Variants in NRXN1 observed in about 807,000 individuals in gnomAD.
The protein encoded by NRXN1 is neurexin 1.
In NRXN1, 39 loss-of-function variants were observed where a neutral mutation model predicts 150.9. The observed-to-expected ratio is 0.26, with a 90% CI of 0.20 to 0.34. The LOEUF (loss-of-function observed/expected upper bound fraction) is 0.34. NRXN1 is among the 10% of genes least tolerant of loss of function. The pLI is 1.00. For synonymous variants in NRXN1, 924 were observed against 757.0 expected, an observed-to-expected ratio of 1.22 and a Z score of -3.62; for missense variants, 1,815 against 1,949.9, an observed-to-expected ratio of 0.93 and a Z score of 1.30.
At chr2:50,543,705 CCTAT>C (rs2093435068) in intron 9 of NRXN1, among the ~76,000 whole-genome samples, 1 of 152,076 alleles carries the variant, frequency 6.6e-6, no homozygotes, top group African/African-American at 2.4e-5. Context: ...TTTTTCATTA[CCTAT>C]TAGTTTCCAT....
chr2:50,441,796 T>C (rs2085976730), intron 17 of NRXN1, among the ~76,000 whole-genome samples: 1 of 152,144 alleles, frequency 6.6e-6, no homozygotes, highest in African/African-American at 2.4e-5. Flanking sequence ...TTATTGAAAA[T>C]TTCTGAAAAC....
intron 15 of NRXN1, among the ~76,000 whole-genome samples, chr2:50,473,599 TTCTTTCTCATG>T: frequency 6.6e-6 from 1 of 152,130 alleles, no homozygotes; most frequent in East Asian, 1.9e-4. Context: ...CATTTGAACT[TTCTTTCTCATG>T]TTAACCATTC....
intron 2 of NRXN1, among the ~76,000 whole-genome samples, chr2:50,939,497 A>T (rs1046708690): frequency 2.0e-5 from 3 of 152,000 alleles, no homozygotes; most frequent in African/African-American, 7.2e-5. Flanking sequence ...TTTTTATTGG[A>T]TAGGATGCAA....
rs1667998727 is a variant in NRXN1 at position 49,920,464 on chromosome 2, C to A, written c.*1480G>T. 6.6e-6 allele frequency: 1 copy of A among 152,510 alleles called. No individual in the cohort carries two copies. The highest frequency in any genetic ancestry group is 1.5e-5 in the Non-Finnish European group (1 of 68,024). 9.4% of individuals were successfully genotyped at this position (152,510 alleles called of 1,614,324 possible). The stretch of plus-strand genomic sequence containing the variant: ...ACCTGCCCACATAATGGTTCTTATT[C>A]ATGCAGCAGTATATCAGTGATATTC... On this transcript the variant is annotated 3_prime_UTR_variant, in exon 23 of 23. Coordinates refer to ENST00000401669, the MANE Select transcript of NRXN1 (RefSeq NM_001330078.2).
At chr2:50,957,524 C>T (rs775259475) in intron 2 of NRXN1, among the ~76,000 whole-genome samples, 4 of 151,994 alleles carry the variant, frequency 2.6e-5, no homozygotes, top group Admixed American at 2.6e-4. Context: ...GCACAGAATG[C>T]CAATAAAGCC....
rs547590508 is a variant in NRXN1 at position 50,490,027 on chromosome 2, G to A, written c.3070+5878C>T. On this transcript the variant is annotated intron_variant, in intron 15 of 22. Transcript: ENST00000401669. ...AAAACCCGGGGATTCAATGGATGTG[G>A]CAGAAGAGAAACAGTTTCACATCTC... is the stretch of plus-strand genomic sequence containing the variant. Among the ~76,000 whole-genome samples the A allele has an allele frequency of 2.6e-5, 4 of 152,300 alleles. No individual in the cohort carries two copies. In the South Asian group the frequency reaches 6.2e-4, roughly 24 times the overall value.
intron 18 of NRXN1, among the ~76,000 whole-genome samples, chr2:50,093,159 G>A (rs904816718): frequency 6.6e-6 from 1 of 151,992 alleles, no homozygotes; most frequent in African/African-American, 2.4e-5. Flanking sequence ...TTTGAATAAC[G>A]TTTGAATTTT....
chr2:50,310,730 G>C (rs1331693473), intron 17 of NRXN1, among the ~76,000 whole-genome samples: 3 of 151,912 alleles, frequency 2.0e-5, no homozygotes, highest in African/African-American at 7.3e-5. Context: ...AATATGTCTA[G>C]GTATATGCTT....
At chr2:50,063,359 A>C (rs1694850846) in intron 19 of NRXN1, among the ~76,000 whole-genome samples, 1 of 152,182 alleles carries the variant, frequency 6.6e-6, no homozygotes, top group South Asian at 2.1e-4. Context: ...AGCCGAATAC[A>C]CATATATAAT....
chr2:50,121,058 T>G (rs1296844297), intron 18 of NRXN1, among the ~76,000 whole-genome samples: 2 of 152,232 alleles, frequency 1.3e-5, no homozygotes, highest in Non-Finnish European at 2.9e-5. Context: ...CGACTCCTAC[T>G]CTGTCACTGA....
chr2:50,896,950 G>C (rs565608085), intron 5 of NRXN1, among the ~76,000 whole-genome samples: 1 of 152,170 alleles, frequency 6.6e-6, no homozygotes, highest in East Asian at 1.9e-4. Flanking sequence ...TACAGCCAGC[G>C]CCCTGAGATG....
intron 5 of NRXN1, among the ~76,000 whole-genome samples, chr2:50,902,638 G>C (rs1683117642): frequency 6.6e-6 from 1 of 152,118 alleles, no homozygotes; most frequent in Admixed American, 6.6e-5. Context: ...ATATATTACA[G>C]CACCCTGGTA....
intron 8 of NRXN1, among the ~76,000 whole-genome samples, chr2:50,556,562 T>C (rs1176043032): frequency 6.6e-6 from 1 of 151,914 alleles, no homozygotes; most frequent in East Asian, 1.9e-4. Flanking sequence ...CCTCGCTTCA[T>C]GGGCTTCTTT....
At chr2:50,727,500 G>C (rs991758956) in intron 5 of NRXN1, among the ~76,000 whole-genome samples, 1 of 151,864 alleles carries the variant, frequency 6.6e-6, no homozygotes, top group Non-Finnish European at 1.5e-5. Flanking sequence ...ATTTTAAGTT[G>C]TTTTTCTTCT....
At chr2:50,931,696 GGT>G (rs1687769756) in intron 2 of NRXN1, among the ~76,000 whole-genome samples, 2 of 151,756 alleles carry the variant, frequency 1.3e-5, no homozygotes, top group Middle Eastern at 3.2e-3. Flanking sequence ...CATTTTATAT[GGT>G]GTTAAAAATT....
Position 50,674,911 on chromosome 2 carries a change from C to T in NRXN1, c.833-51296G>A, listed in dbSNP as rs184124800. ...GTTTGGATGTGTGTCCCCTCCAAAT[C>T]TCACCTTGAAATGTGACCCCTCAAT... On this transcript the variant is annotated intron_variant, in intron 5 of 22. Transcript: ENST00000401669. 1.7e-4 allele frequency among the ~76,000 whole-genome samples: 26 copies of T among 152,112 alleles called. No homozygotes were observed. The East Asian group carries it at 4.9e-3, about 28-fold the overall frequency.
chr2:50,124,087 G>A (rs1356262832), intron 18 of NRXN1, among the ~76,000 whole-genome samples: 1 of 152,018 alleles, frequency 6.6e-6, no homozygotes, highest in African/African-American at 2.4e-5. Flanking sequence ...ACCAGAGAAG[G>A]AGACCAAGGA....
intron 17 of NRXN1, among the ~76,000 whole-genome samples, chr2:50,446,239 T>C (rs771086124): frequency 1.4e-4 from 21 of 152,228 alleles, no homozygotes; most frequent in Non-Finnish European, 2.2e-4. Flanking sequence ...ATTTTTGTAA[T>C]ATATAAATTG....
intron 5 of NRXN1, among the ~76,000 whole-genome samples, chr2:50,667,842 G>C (rs1688294285): frequency 6.6e-6 from 1 of 151,968 alleles, no homozygotes; most frequent in Non-Finnish European, 1.5e-5. Flanking sequence ...TGGAGCCATA[G>C]TCTGAAGTTG....
Sources: allele counts gnomAD v4.1 joint callset (sites outside exome capture counted in the v4.1 genomes callset), GRCh38; gene constraint gnomAD v4.1.1; transcripts MANE v1.5; gene names NCBI Gene and HGNC (gene_info 2026-07-23, HGNC 2026-07-21).